The following POLR3G variants were observed in gnomAD, a reference collection of about 807,000 sequenced individuals.
POLR3G encodes DNA-directed RNA polymerase III subunit RPC7.
Under a neutral mutation model 30.1 loss-of-function variants are expected in POLR3G, and 28 were observed. The ratio of observed to expected loss-of-function variants is 0.93; its 90% CI spans 0.69 to 1.27. The LOEUF (loss-of-function observed/expected upper bound fraction) is 1.27, where lower values mean the gene tolerates loss of function less well. Among genes scored for constraint, POLR3G ranks in the 50% most tolerant of loss-of-function variants. The probability of loss-of-function intolerance (pLI) is 0.00; values close to 1 mark genes in which losing one functional copy is unlikely to be tolerated. For synonymous variants in POLR3G, 79 were observed against 82.5 expected (o/e 0.96, Z 0.23); for missense variants, 254 against 264.6 (o/e 0.96, Z 0.28).
In POLR3G at chr5:90,512,056, A is replaced by G. The variant is rs1463823706; in HGVS notation, c.589A>G (p.Asn197Asp). 2 of 1,591,884 alleles carry G rather than the reference A, an allele frequency of 1.3e-6. No homozygotes were observed. Among genetic ancestry groups the G allele is most frequent in the Non-Finnish European group, 1.7e-6 (2 of 1,160,094 alleles). The change falls in exon 8 of 8, where the codon AAT becomes GAT. Residue 197 changes from asparagine (N) to aspartate (D), a missense_variant. Physicochemically the swap from Asn to Asp is conservative, Grantham distance 23 (BLOSUM62 1). Coordinates refer to ENST00000651687, the MANE Select transcript of POLR3G (RefSeq NM_006467.3). ...EYDEEEQEEE[N>D]DYINSYFEDG... is the part of the protein sequence containing the mutation. ...AGGAATATATCATTTCACTTAGGAA[A>G]ATGACTACATTAATTCATACTTTGA...
chr5:90,510,283 C>G (rs561644540), intron 7 of POLR3G, among the ~76,000 whole-genome samples: 1 of 151,966 alleles, frequency 6.6e-6, no homozygotes, highest in South Asian at 2.1e-4. Flanking sequence ...GAGGCTGAGG[C>G]AGGAGAATGG....
At chr5:90,510,755 T>G (rs1354866109) in intron 7 of POLR3G, among the ~76,000 whole-genome samples, 1 of 151,772 alleles carries the variant, frequency 6.6e-6, no homozygotes, top group Non-Finnish European at 1.5e-5. Flanking sequence ...ACTTAAAGTA[T>G]CTAGGGAAGA....
intron 1 of POLR3G, among the ~76,000 whole-genome samples, chr5:90,481,887 A>G (rs1383484939): frequency 6.6e-6 from 1 of 152,204 alleles, no homozygotes; most frequent in Non-Finnish European, 1.5e-5. Flanking sequence ...GAGAGGATAC[A>G]TACTGAAGAG....
At chr5:90,498,468 G>T (rs1187347878) in intron 5 of POLR3G, among the ~76,000 whole-genome samples, 1 of 152,014 alleles carries the variant, frequency 6.6e-6, no homozygotes, top group African/African-American at 2.4e-5. Context: ...TTGTTCCCAT[G>T]TTTATGTCCA....
chr5:90,475,592 G>C (rs539781805), intron 1 of POLR3G, among the ~76,000 whole-genome samples: 1 of 152,016 alleles, frequency 6.6e-6, no homozygotes, highest in Non-Finnish European at 1.5e-5. Context: ...TGGTGAGGAC[G>C]GGAAAAGTGA....
At chr5:90,509,614 G>T (rs1423621502) in intron 7 of POLR3G, among the ~76,000 whole-genome samples, 1 of 152,218 alleles carries the variant, frequency 6.6e-6, no homozygotes, top group Admixed American at 6.5e-5. Context: ...CAATTTAGGT[G>T]ATCTGAAGAG....
intron 3 of POLR3G, 89 bp from the exon 4 acceptor site, chr5:90,495,588 C>G (rs546813830): frequency 5.2e-5 from 78 of 1,509,678 alleles, no homozygotes; most frequent in Non-Finnish European, 6.9e-5. Context: ...AAAATGTTGT[C>G]TGTTGTTTTC....
chr5:90,474,539 A>T, upstream of POLR3G: 1 of 525,326 alleles, frequency 1.9e-6, no homozygotes, highest in Non-Finnish European at 3.4e-6. Flanking sequence ...CTGCGCCACC[A>T]GCACGGGGGC....
At chr5:90,489,370 A>T (rs2151905361) in intron 3 of POLR3G, among the ~76,000 whole-genome samples, 1 of 150,358 alleles carries the variant, frequency 6.7e-6, no homozygotes, top group Admixed American at 6.7e-5. Context: ...GGTTCAAGTG[A>T]TTCTCACATC....
Position 90,488,044 on chromosome 5 carries a change from A to G in POLR3G, c.162A>G (p.Glu54=). The G allele has an allele frequency of 6.2e-7, 1 of 1,611,194 alleles. No homozygotes were observed. The highest frequency in any genetic ancestry group is 1.1e-5 in the South Asian group (1 of 90,508). Residue 54 remains glutamate, a synonymous_variant, in exon 3 of 8, where the codon GAA becomes GAG. Transcript: ENST00000651687. ...KPVPLKTGEG[E]EYMLALKQEL... The stretch of plus-strand genomic sequence containing the variant: ...TGCCACTGAAAACAGGAGAAGGTGA[A>G]GAATATATGCTGGCTTTGAAACAGG...
chr5:90,478,492 C>T (rs980884410), intron 1 of POLR3G, among the ~76,000 whole-genome samples: 8 of 149,460 alleles, frequency 5.4e-5, no homozygotes, highest in South Asian at 2.1e-4. Flanking sequence ...ATTAGCTTTG[C>T]GTCTTTAGGT....
At chr5:90,474,389 GC>G, upstream of POLR3G, 1 of 1,158,396 alleles carries the variant, frequency 8.6e-7, no homozygotes, top group Non-Finnish European at 1.3e-6. Context: ...GAAGCGGTCT[GC>G]CTGCAGCCAG....
chr5:90,488,142 A>G lies in POLR3G; in HGVS notation c.247+13A>G, dbSNP rs771960376. 2 of 1,588,304 alleles carry G rather than the reference A, an allele frequency of 1.3e-6. No homozygotes were observed. The highest frequency in any genetic ancestry group is 1.7e-6 in the Non-Finnish European group (2 of 1,169,912). On this transcript the variant is annotated intron_variant, in intron 3 of 7. Transcript: ENST00000651687. ...GAAGAAAGACAAGGTACTGTATTGG[A>G]GTCTTTGATTATGTGGCTTAATGTA...
upstream of POLR3G, chr5:90,474,235 G>C (rs1750650171): frequency 6.2e-7 from 1 of 1,613,546 alleles, no homozygotes; most frequent in Non-Finnish European, 8.5e-7. Flanking sequence ...AAACGTTCTT[G>C]AATCCAGAAG....
chr5:90,491,598 G>A (rs1276439883), intron 3 of POLR3G, among the ~76,000 whole-genome samples: 1 of 150,630 alleles, frequency 6.6e-6, no homozygotes, highest in Non-Finnish European at 1.5e-5. Context: ...TTCTTGCATA[G>A]AGGTTTTCTA....
intron 6 of POLR3G, among the ~76,000 whole-genome samples, chr5:90,503,998 G>A (rs527690414): frequency 9.2e-5 from 14 of 152,260 alleles, no homozygotes; most frequent in South Asian, 8.3e-4. Flanking sequence ...ATCTCAACAG[G>A]AGAGAAAATG....
At chr5:90,494,005 CCAGCCACTAT>C (rs1751866061) in intron 3 of POLR3G, among the ~76,000 whole-genome samples, 1 of 151,962 alleles carries the variant, frequency 6.6e-6, no homozygotes, top group Non-Finnish European at 1.5e-5. Context: ...GCCACTGTGC[CCAGCCACTAT>C]CTAATTTTTT....
intron 1 of POLR3G, among the ~76,000 whole-genome samples, chr5:90,479,619 C>G (rs1352110836): frequency 6.6e-6 from 1 of 150,486 alleles, no homozygotes; most frequent in Non-Finnish European, 1.5e-5. Context: ...TTTTTTTAAT[C>G]TGTGTTTTAA....
intron 1 of POLR3G, among the ~76,000 whole-genome samples, chr5:90,482,307 T>C (rs1751161735): frequency 6.6e-6 from 1 of 152,224 alleles, no homozygotes; most frequent in South Asian, 2.1e-4. Flanking sequence ...TGAACTGTCC[T>C]TGTTCATTCT....
Sources: gnomAD v4.1 joint callset for allele counts (sites outside exome capture counted in the v4.1 genomes callset) on GRCh38, gnomAD v4.1.1 for gene constraint, MANE v1.5 for transcripts, NCBI Gene and HGNC (gene_info 2026-07-23, HGNC 2026-07-21) for gene names.